Variants in EBF4 observed in about 807,000 individuals in gnomAD.
EBF4 encodes transcription factor COE4.
EBF4 carries 34 observed loss-of-function variants against 67.1 expected under a neutral mutation model. That is an observed-to-expected ratio of 0.51 (90% confidence interval 0.39 to 0.67). The LOEUF is 0.67. Among genes scored for constraint, EBF4 ranks in the 30% least tolerant of loss-of-function variants. The pLI is 0.00. For synonymous variants in EBF4, 387 were observed against 377.7 expected (o/e 1.02, Z -0.29); for missense variants, 837 against 873.3 (o/e 0.96, Z 0.52).
intron 1 of EBF4, among the ~76,000 whole-genome samples, chr20:2,698,340 C>T (rs2087325780): frequency 6.6e-6 from 1 of 152,230 alleles, no homozygotes; most frequent in Admixed American, 6.5e-5. Context: ...CCAGGTCCTC[C>T]CTGTGCAAGC....
At chr20:2,749,121 T>C (rs909727694) in intron 7 of EBF4, among the ~76,000 whole-genome samples, 1 of 152,182 alleles carries the variant, frequency 6.6e-6, no homozygotes, top group African/African-American at 2.4e-5. Context: ...GCATTCTGTG[T>C]ATGCAAAAAC....
Position 2,697,499 on chromosome 20 carries a change from C to T in EBF4, c.137+3717C>T, listed in dbSNP as rs1215552547. Among the ~76,000 whole-genome samples, 10 of 150,294 alleles carry T rather than the reference C, an allele frequency of 6.7e-5. No individual in the cohort carries two copies. In the East Asian group the frequency reaches 7.9e-4, roughly 12 times the overall value. ...GGCGGAGCTTGCAGTGAGCCGAGAT[C>T]GCGCCACTGCACTCCAGCCTGGGTG... On this transcript the variant is annotated intron_variant, in intron 1 of 16. Transcript: ENST00000609451.
chr20:2,746,361 C>T (rs57923352), intron 6 of EBF4, among the ~76,000 whole-genome samples: 26,345 of 152,032 alleles, frequency 0.17, 2,859 homozygotes, highest in African/African-American at 0.31. Context: ...GGGTATCCTG[C>T]AGGGGTAAAT....
At chr20:2,713,909 G>A (rs191729815) in intron 6 of EBF4, among the ~76,000 whole-genome samples, 9 of 152,310 alleles carry the variant, frequency 5.9e-5, no homozygotes, top group East Asian at 3.9e-4. Flanking sequence ...AGACAAGATC[G>A]TTGGAGAAAA....
At chr20:2,749,514 C>G in exon 8 of EBF4, 1 of 1,546,090 alleles carries the variant, frequency 6.5e-7, no homozygotes. Flanking sequence ...TGGACCCCTC[C>G]GAAGGTCAGG....
chr20:2,725,672 G>A lies in EBF4; in HGVS notation c.557+16030G>A, dbSNP rs1244077594. Among the ~76,000 whole-genome samples, 5 of 152,172 alleles carry A rather than the reference G, an allele frequency of 3.3e-5. No homozygotes were observed. The East Asian group carries it at 7.7e-4, about 24-fold the overall frequency. On this transcript the variant is annotated intron_variant, in intron 6 of 16. Coordinates refer to ENST00000609451, the Ensembl canonical transcript of EBF4. ...TTGAACCAAATCTGGCCCCAAACCG[G>A]GTATGTTTTCCCCCAGAAGAATTTT...
At position 2,707,804 on chromosome 20, in the gene EBF4, C is replaced by A; in HGVS notation, c.415-143C>A. 1.3e-6 allele frequency: 1 copy of A among 756,670 alleles called. No homozygotes were observed. The highest frequency in any genetic ancestry group is 2.0e-6 in the Non-Finnish European group (1 of 498,694). The allele number at this position is 756,670 out of a possible 1,614,324, so 46.9% of individuals were successfully genotyped here. A position where few individuals can be genotyped will look rare whatever the true frequency, so the allele number is the denominator to read the frequency against. On this transcript the variant is annotated intron_variant, in intron 4 of 16. Transcript: ENST00000609451. This position sits in a 1 kb window ranked among gnomAD's most constrained non-coding sequence, Gnocchi z 4.6. ...GGGGTTATCCCCCGCCTGGGCAGCC[C>A]AGAGCAAGGCAGAGGGCGTGCTCTT... is the stretch of plus-strand genomic sequence containing the variant.
At chr20:2,709,099 A>G (rs2087501809) in intron 5 of EBF4, among the ~76,000 whole-genome samples, 1 of 152,140 alleles carries the variant, frequency 6.6e-6, no homozygotes. Context: ...AGGCACAAGA[A>G]TTGCCTGAAC....
chr20:2,711,526 C>A (rs2087544908), intron 6 of EBF4, among the ~76,000 whole-genome samples: 1 of 152,164 alleles, frequency 6.6e-6, no homozygotes, highest in Non-Finnish European at 1.5e-5. Flanking sequence ...TAGCTACTGC[C>A]AATTCGATCT....
intron 6 of EBF4, among the ~76,000 whole-genome samples, chr20:2,716,636 T>C (rs1191588301): frequency 6.6e-6 from 1 of 152,234 alleles, no homozygotes; most frequent in Non-Finnish European, 1.5e-5. Context: ...GTCATCCCTA[T>C]GGAACTAATT....
In EBF4 at chr20:2,755,874, G is replaced by C; in HGVS notation, c.1738+50G>C. 6.6e-7 allele frequency: 1 copy of C among 1,504,936 alleles called. No individual in the cohort carries two copies. Among genetic ancestry groups the C allele is most frequent in the Non-Finnish European group, 8.9e-7 (1 of 1,121,482 alleles). The allele number at this position is 1,504,936 out of a possible 1,614,324, so 93.2% of individuals were successfully genotyped here. A position where few individuals can be genotyped will look rare whatever the true frequency, so the allele number is the denominator to read the frequency against. ...GTGGCAGGAAGGAAGGGCCCTTGTGGAGCAGCTGGGCTACAGGGGCCTGCT... is the reference window on the plus strand; with the variant it reads ...GTGGCAGGAAGGAAGGGCCCTTGTGCAGCAGCTGGGCTACAGGGGCCTGCT... On this transcript the variant is annotated intron_variant, in intron 15 of 16. Transcript: ENST00000609451. The surrounding 1 kb of genome is among the most constrained non-coding windows in gnomAD (Gnocchi z 4.7).
intron 4 of EBF4, among the ~76,000 whole-genome samples, chr20:2,706,647 G>T (rs542616881): frequency 6.6e-6 from 1 of 152,106 alleles, no homozygotes; most frequent in Non-Finnish European, 1.5e-5. Flanking sequence ...GTCCCCCCTC[G>T]AAGCAAGTAC....
intron 5 of EBF4, 84 bp from the exon 6 acceptor site, chr20:2,709,490 A>T: frequency 7.5e-7 from 1 of 1,330,320 alleles, no homozygotes. Context: ...CCCTCAGCTC[A>T]GGGCGCCCCC....
intron 1 of EBF4, among the ~76,000 whole-genome samples, chr20:2,700,524 C>G (rs1231194176): frequency 6.6e-6 from 1 of 152,236 alleles, no homozygotes; most frequent in Admixed American, 6.5e-5. Flanking sequence ...GTCCACATCT[C>G]TCTGTCTCTA....
chr20:2,744,586 C>A (rs922933248), intron 6 of EBF4, among the ~76,000 whole-genome samples: 1 of 150,592 alleles, frequency 6.6e-6, no homozygotes. Context: ...CCACCTCCCC[C>A]GTTCAAGCAA....
At chr20:2,737,997 G>A (rs2087913859) in intron 6 of EBF4, among the ~76,000 whole-genome samples, 2 of 151,794 alleles carry the variant, frequency 1.3e-5, no homozygotes, top group South Asian at 4.2e-4. Context: ...TGGGAACCAA[G>A]GAGGAACGTC....
chr20:2,700,819 T>C (rs949560644), intron 1 of EBF4, among the ~76,000 whole-genome samples: 1 of 152,162 alleles, frequency 6.6e-6, no homozygotes, highest in Admixed American at 6.5e-5. Context: ...CTCCTGCATG[T>C]TGGGGTCAAT....
intron 5 of EBF4, among the ~76,000 whole-genome samples, chr20:2,708,335 C>G (rs2087489275): frequency 6.6e-6 from 1 of 152,158 alleles, no homozygotes; most frequent in Non-Finnish European, 1.5e-5. Flanking sequence ...GTTGCGGGAA[C>G]AGGGTCTGGG....
At chr20:2,706,128 T>G (rs2087454472) in intron 3 of EBF4, 81 bp from the exon 4 acceptor site, 1 of 1,549,236 alleles carries the variant, frequency 6.5e-7, no homozygotes, top group Non-Finnish European at 8.7e-7. Flanking sequence ...GTGCCAGGGC[T>G]GGGGAGGGTG....
Sources: allele counts gnomAD v4.1 joint callset (sites outside exome capture counted in the v4.1 genomes callset), GRCh38; gene constraint gnomAD v4.1.1; non-coding constraint Gnocchi (gnomAD v3.1); transcripts MANE v1.5; gene names NCBI Gene and HGNC (gene_info 2026-07-23, HGNC 2026-07-21).